ANKMY1: variants seen among roughly 807,000 people sequenced by gnomAD.
ANKMY1 encodes ankyrin repeat and MYND domain containing 1, also known as ankyrin repeat and MYND domain-containing protein 1.
In ANKMY1, 98 loss-of-function variants were observed where a neutral mutation model predicts 102.0. The observed-to-expected ratio is 0.96, with a 90% CI of 0.82 to 1.14. The LOEUF (loss-of-function observed/expected upper bound fraction) is 1.14. Ranked by LOEUF, ANKMY1 falls within the 50% of genes most tolerant of loss-of-function variation. The pLI, the probability that ANKMY1 is intolerant of heterozygous loss-of-function variation, is 0.00. For missense variants in ANKMY1, 1,330 were observed against 1,347.6 expected, an observed-to-expected ratio of 0.99 and a Z score of 0.20; for synonymous variants, 582 against 559.9, an observed-to-expected ratio of 1.04 and a Z score of -0.56.
At chr2:240,509,482 A>C in intron 11 of ANKMY1, 27 bp from the exon 12 acceptor site, 1 of 1,530,312 alleles carries the variant, frequency 6.5e-7, no homozygotes. Flanking sequence ...GACAGGTTAG[A>C]GAGGCACCCC....
chr2:240,523,133 C>T (rs1483656653), intron 8 of ANKMY1: 2 of 152,144 alleles, frequency 1.3e-5, no homozygotes, highest in Admixed American at 6.5e-5. Flanking sequence ...CCATGTTTTC[C>T]GACCCAGAAT....
chr2:240,496,831 T>A (rs2077329354), intron 15 of ANKMY1, among the ~76,000 whole-genome samples: 1 of 152,192 alleles, frequency 6.6e-6, no homozygotes, highest in Non-Finnish European at 1.5e-5. Context: ...TAGAATTCGA[T>A]CAGAGCTCAT....
chr2:240,504,590 AG>A (rs928378172), intron 13 of ANKMY1, among the ~76,000 whole-genome samples: 4 of 152,368 alleles, frequency 2.6e-5, no homozygotes, highest in East Asian at 1.9e-4. Context: ...TTAAAAAAAA[AG>A]ATTCAAAAAT....
downstream of ANKMY1, among the ~76,000 whole-genome samples, chr2:240,474,887 G>A (rs2074754116): frequency 6.6e-6 from 1 of 152,168 alleles, no homozygotes; most frequent in South Asian, 2.1e-4. Context: ...GAACATATGT[G>A]TGCATATATG....
intron 4 of ANKMY1, among the ~76,000 whole-genome samples, chr2:240,544,650 C>T (rs967082643): frequency 1.6e-4 from 25 of 152,296 alleles, no homozygotes; most frequent in Non-Finnish European, 2.4e-4. Flanking sequence ...AGTGGGTGCG[C>T]GCACTGTGCG....
In ANKMY1 at chr2:240,526,314, T is replaced by A. The variant is rs569970602; in HGVS notation, c.1085A>T (p.Glu362Val). ...GTCCTTCAGGATCCTACAAATCCAT[T>A]CGTGGTTCCCTTCCTCAGCCTTTAG... Reference protein sequence around the residue: ...MILKAEEGNHEWICRILKDNF... With the variant: ...MILKAEEGNHVWICRILKDNF... Residue 362 changes from glutamate to valine, a missense_variant, in exon 6 of 18, where the codon GAA (glutamate) becomes GTA (valine). Glu to Val is a moderately radical substitution (Grantham distance 121). Coordinates refer to ENST00000401804, the MANE Select transcript of ANKMY1 (RefSeq NM_001282771.3). 2.5e-6 allele frequency: 4 copies of A among 1,614,214 alleles called. No homozygotes were observed. Among genetic ancestry groups the A allele is most frequent in the Non-Finnish European group, 3.4e-6 (4 of 1,180,022 alleles).
chr2:240,507,366 C>A (rs2152119563), intron 13 of ANKMY1, among the ~76,000 whole-genome samples, 194 bp downstream of exon 13: 1 of 143,936 alleles, frequency 6.9e-6, no homozygotes, highest in African/African-American at 2.6e-5. Flanking sequence ...CAACCTCCCG[C>A]CCCCCCTCAC....
intron 9 of ANKMY1, among the ~76,000 whole-genome samples, chr2:240,514,852 G>A (rs1390507156): frequency 1.3e-5 from 2 of 152,178 alleles, no homozygotes; most frequent in African/African-American, 4.8e-5. Context: ...CCTGGAACCT[G>A]CCCTGCCCTC....
intron 13 of ANKMY1, among the ~76,000 whole-genome samples, chr2:240,503,693 GA>G (rs1238976904): frequency 6.6e-6 from 1 of 152,220 alleles, no homozygotes; most frequent in Non-Finnish European, 1.5e-5. Context: ...GGAGAAAGGA[GA>G]AGAGGACTGA....
chr2:240,480,635 T>C (rs982359754), intron 17 of ANKMY1, among the ~76,000 whole-genome samples: 5 of 151,910 alleles, frequency 3.3e-5, no homozygotes, highest in African/African-American at 1.2e-4. Flanking sequence ...AGGAGTTCAG[T>C]GAAGCTCCCA....
intron 7 of ANKMY1, among the ~76,000 whole-genome samples, chr2:240,525,484 T>C (rs1251029014): frequency 6.6e-6 from 1 of 151,960 alleles, no homozygotes; most frequent in Non-Finnish European, 1.5e-5. Context: ...AGGAGATGAG[T>C]AAAGAACACA....
chr2:240,483,754 T>C (rs969305172), intron 15 of ANKMY1, among the ~76,000 whole-genome samples: 3 of 152,224 alleles, frequency 2.0e-5, no homozygotes, highest in Non-Finnish European at 4.4e-5. Flanking sequence ...GTTACCTAGG[T>C]ACACACATGC....
chr2:240,548,246 G>C (rs1472764368), intron 4 of ANKMY1, among the ~76,000 whole-genome samples: 1 of 152,126 alleles, frequency 6.6e-6, no homozygotes, highest in Non-Finnish European at 1.5e-5. Flanking sequence ...CGTATAAACA[G>C]AACCAAAGAC....
In ANKMY1 at chr2:240,518,462, C is replaced by G. The variant is rs141819369; in HGVS notation, c.2004+1900G>C. On this transcript the variant is annotated intron_variant, in intron 9 of 17. Transcript: ENST00000401804. ...ACCCCCAATTTTAGTCGGTTGAGGACAGGGTTTGAGAACAATCTCCTGCTC... is the reference window on the plus strand; with the variant it reads ...ACCCCCAATTTTAGTCGGTTGAGGAGAGGGTTTGAGAACAATCTCCTGCTC... Among the ~76,000 whole-genome samples the G allele has an allele frequency of 2.8e-3, 429 of 152,264 alleles. 2 individuals carry two copies. Among genetic ancestry groups the G allele is most frequent in the African/African-American group, 9.9e-3 (412 of 41,546 alleles).
rs994010601 is a variant in ANKMY1 at position 240,499,523 on chromosome 2, G to T, written c.2806+435C>A. 3.9e-5 allele frequency among the ~76,000 whole-genome samples: 6 copies of T among 152,094 alleles called. No homozygotes were observed. In the South Asian group the frequency reaches 6.2e-4, roughly 16 times the overall value. On this transcript the variant is annotated intron_variant, in intron 15 of 17. Transcript: ENST00000401804. The surrounding 1 kb of genome is among the most constrained non-coding windows in gnomAD (Gnocchi z 4.2). ...CAGTAGGTACTGCGTTTGTGGAGTG[G>T]GTGCATGTGGGGAGCTGGGGACATG...
chr2:240,520,898 A>G lies in ANKMY1; in HGVS notation c.1833-365T>C, dbSNP rs2082105692. 6.6e-6 allele frequency among the ~76,000 whole-genome samples: 1 copy of G among 151,252 alleles called. No individual in the cohort carries two copies. On this transcript the variant is annotated intron_variant, in intron 8 of 17. Coordinates refer to ENST00000401804, the MANE Select transcript of ANKMY1 (RefSeq NM_001282771.3). This position sits in a 1 kb window ranked among gnomAD's most constrained non-coding sequence, Gnocchi z 4.8. The stretch of plus-strand genomic sequence containing the variant: ...ACAGTACGCACACGGCACACCACAC[A>G]CCAGAGCACACAAACCACACTACAC...
rs919051321 is a variant in ANKMY1 at position 240,520,161 on chromosome 2, T to C, written c.2004+201A>G. The stretch of plus-strand genomic sequence containing the variant: ...AAGTACTCTAAAAACTAGCTCGGTG[T>C]CCAAATCCTGTCTGGGGACATGGGT... On this transcript the variant is annotated intron_variant, in intron 9 of 17. Transcript: ENST00000401804. The surrounding 1 kb of genome is among the most constrained non-coding windows in gnomAD (Gnocchi z 4.8). 1.5e-5 allele frequency: 13 copies of C among 854,540 alleles called. No individual in the cohort carries two copies. Among genetic ancestry groups the C allele is most frequent in the African/African-American group, 5.0e-5 (3 of 59,738 alleles). 52.9% of individuals were successfully genotyped at this position (854,540 alleles called of 1,614,324 possible).
intron 12 of ANKMY1, among the ~76,000 whole-genome samples, chr2:240,508,109 C>T (rs1178421092): frequency 3.3e-5 from 5 of 152,272 alleles, no homozygotes; most frequent in Admixed American, 2.0e-4. Context: ...TGCCTCTGCA[C>T]CGGGGCACCA....
In ANKMY1 at chr2:240,507,551, G is replaced by A; in HGVS notation, c.2526+9C>T. The A allele has an allele frequency of 6.3e-7, 1 of 1,597,314 alleles. No homozygotes were observed. Among genetic ancestry groups the A allele is most frequent in the South Asian group, 1.1e-5 (1 of 87,744 alleles). ...CTCACCAGGGCCACCCCAGCCTCCTGCCCCTCACCAGGGCCAGCTTGCTGT... is the reference window on the plus strand; with the variant it reads ...CTCACCAGGGCCACCCCAGCCTCCTACCCCTCACCAGGGCCAGCTTGCTGT... On this transcript the variant is annotated intron_variant, in intron 13 of 17. Transcript: ENST00000401804.
Sources: gnomAD v4.1 joint callset for allele counts (sites outside exome capture counted in the v4.1 genomes callset) on GRCh38, gnomAD v4.1.1 for gene constraint, Gnocchi (gnomAD v3.1) non-coding constraint, MANE v1.5 for transcripts, NCBI Gene and HGNC (gene_info 2026-07-23, HGNC 2026-07-21) for gene names.